PIP5K1C: variants seen among roughly 807,000 people sequenced by gnomAD.
PIP5K1C encodes the protein phosphatidylinositol 4-phosphate 5-kinase type-1 gamma.
A neutral mutation model predicts 80.1 loss-of-function variants in PIP5K1C; 45 were observed. That is an observed-to-expected ratio of 0.56 (90% CI 0.44 to 0.72). The LOEUF (loss-of-function observed/expected upper bound fraction) is 0.72, where lower values mean the gene tolerates loss of function less well. Among genes scored for constraint, PIP5K1C ranks in the 30% least tolerant of loss-of-function variants. The probability of loss-of-function intolerance (pLI) is 0.00; values close to 1 mark genes in which losing one functional copy is unlikely to be tolerated. For missense variants in PIP5K1C, 753 were observed against 954.6 expected (o/e 0.79, Z 2.78); for synonymous variants, 498 against 420.1 (o/e 1.19, Z -2.27).
intron 1 of PIP5K1C, among the ~76,000 whole-genome samples, chr19:3,674,558 T>C (rs975815793): frequency 6.6e-6 from 1 of 151,396 alleles, no homozygotes; most frequent in Admixed American, 6.6e-5. Context: ...CTCCCCCGAG[T>C]AGCTGCAGAT....
At chr19:3,698,335 G>A (rs740873) in intron 1 of PIP5K1C, among the ~76,000 whole-genome samples, 19,177 of 152,242 alleles carry the variant, frequency 0.13, 1,709 homozygotes, top group Admixed American at 0.26. Flanking sequence ...GGGAAGTGAC[G>A]GCCACACAGC....
intron 5 of PIP5K1C, among the ~76,000 whole-genome samples, chr19:3,660,111 T>C (rs1599999694): frequency 6.6e-6 from 1 of 151,992 alleles, no homozygotes; most frequent in South Asian, 2.1e-4. Flanking sequence ...GCTGAGGCGG[T>C]AGCTCACGCC....
At chr19:3,656,372 G>A in intron 6 of PIP5K1C, 33 bp downstream of exon 6, 2 of 1,611,834 alleles carry the variant, frequency 1.2e-6, no homozygotes, top group Non-Finnish European at 1.7e-6. Context: ...GGTTGACCGA[G>A]GAGCCATCTG....
At chr19:3,689,956 A>G (rs1284257639) in intron 1 of PIP5K1C, among the ~76,000 whole-genome samples, 1 of 152,192 alleles carries the variant, frequency 6.6e-6, no homozygotes, top group Non-Finnish European at 1.5e-5. Flanking sequence ...TAGGCTGGAA[A>G]GCTTTCCAAA....
chr19:3,690,188 T>A (rs540084910), intron 1 of PIP5K1C, among the ~76,000 whole-genome samples: 2 of 148,758 alleles, frequency 1.3e-5, no homozygotes, highest in Non-Finnish European at 3.0e-5. Flanking sequence ...GGCAGAGGAG[T>A]GGAGCAGAAT....
intron 12 of PIP5K1C, 140 bp from the exon 13 acceptor site, chr19:3,643,521 C>G: frequency 4.1e-6 from 4 of 977,178 alleles, no homozygotes; most frequent in Non-Finnish European, 6.1e-6. Flanking sequence ...CCTCCCCACA[C>G]GGCAGGGAAG....
At chr19:3,653,884 G>A (rs1265792790) in intron 6 of PIP5K1C, among the ~76,000 whole-genome samples, 3 of 152,242 alleles carry the variant, frequency 2.0e-5, no homozygotes, top group Non-Finnish European at 4.4e-5. Flanking sequence ...CCTGCCCACA[G>A]ACATCGCCCT....
At chr19:3,687,949 G>A (rs905207063) in intron 1 of PIP5K1C, among the ~76,000 whole-genome samples, 1 of 152,202 alleles carries the variant, frequency 6.6e-6, no homozygotes, top group Non-Finnish European at 1.5e-5. Flanking sequence ...CAATGTCCAG[G>A]GAGAAAGAGG....
At chr19:3,657,764 A>T (rs1419880880) in intron 5 of PIP5K1C, among the ~76,000 whole-genome samples, 1 of 15,462 alleles carries the variant, frequency 6.5e-5, no homozygotes, top group Non-Finnish European at 1.2e-4. Flanking sequence ...CATCTGTACT[A>T]AAAAAAAAAA....
At chr19:3,644,045 C>T (rs1157257461) in intron 12 of PIP5K1C, 42 bp downstream of exon 12, 2 of 1,605,422 alleles carry the variant, frequency 1.2e-6, no homozygotes, top group East Asian at 2.2e-5. Flanking sequence ...TGCTGGCACC[C>T]CCTGTAGCGC....
At chr19:3,670,168 G>A (rs1297150213) in intron 1 of PIP5K1C, among the ~76,000 whole-genome samples, 3 of 152,146 alleles carry the variant, frequency 2.0e-5, no homozygotes, top group Non-Finnish European at 4.4e-5. Flanking sequence ...CATTCGAGAC[G>A]CTGGTGGGCC....
chr19:3,675,175 C>A (rs1263659188), intron 1 of PIP5K1C, among the ~76,000 whole-genome samples: 1 of 152,186 alleles, frequency 6.6e-6, no homozygotes, highest in Non-Finnish European at 1.5e-5. Context: ...AGTGACTGAA[C>A]AACTCTGTGA....
intron 1 of PIP5K1C, among the ~76,000 whole-genome samples, chr19:3,669,275 C>T (rs1176200705): frequency 6.6e-6 from 1 of 152,158 alleles, no homozygotes; most frequent in Non-Finnish European, 1.5e-5. Context: ...AGGGCTCGGC[C>T]CTCTGGCTGC....
chr19:3,639,081 C>G, intron 15 of PIP5K1C, 65 bp from the exon 16 acceptor site: 3 of 1,574,228 alleles, frequency 1.9e-6, no homozygotes, highest in South Asian at 1.1e-5. Context: ...CCCGCGCCCC[C>G]ACTCAGGACC....
chr19:3,636,291 A>C, intron 16 of PIP5K1C: 1 of 750,328 alleles, frequency 1.3e-6, no homozygotes, highest in Non-Finnish European at 1.6e-6. Context: ...TGGGACCCAG[A>C]ACCGGGTGAC....
At chr19:3,675,189 C>G (rs183460000) in intron 1 of PIP5K1C, among the ~76,000 whole-genome samples, 1 of 152,162 alleles carries the variant, frequency 6.6e-6, no homozygotes, top group Non-Finnish European at 1.5e-5. Context: ...TCTGTGAATA[C>G]GCCGAGAAGA....
chr19:3,687,093 TGAA>T (rs1361007676), intron 1 of PIP5K1C, among the ~76,000 whole-genome samples: 12 of 152,128 alleles, frequency 7.9e-5, no homozygotes, highest in South Asian at 2.1e-4. Flanking sequence ...CTCTGGAAGC[TGAA>T]GAAGAAGATT....
rs915052228 is a variant in PIP5K1C at position 3,692,339 on chromosome 19, C to A, written c.94+7958G>T. Among the ~76,000 whole-genome samples, 2 of 152,166 alleles carry A rather than the reference C, an allele frequency of 1.3e-5. No individual in the cohort carries two copies. Among genetic ancestry groups the A allele is most frequent in the Non-Finnish European group, 1.5e-5 (1 of 68,018 alleles). On this transcript the variant is annotated intron_variant, in intron 1 of 17. Coordinates refer to ENST00000335312, the MANE Select transcript of PIP5K1C (RefSeq NM_012398.3). This position sits in a 1 kb window ranked among gnomAD's most constrained non-coding sequence, Gnocchi z 5.2. ...TGCCGGCTCCCACCACGGCCCCCAA[C>A]GCTCCCTACAGGGGCTCCTGGGGCC... is the stretch of plus-strand genomic sequence containing the variant.
chr19:3,695,137 G>C (rs1316801274), intron 1 of PIP5K1C, among the ~76,000 whole-genome samples: 1 of 152,230 alleles, frequency 6.6e-6, no homozygotes, highest in African/African-American at 2.4e-5. Flanking sequence ...CAACCTGAGG[G>C]CTCCAAGGGG....
Sources: allele counts gnomAD v4.1 joint callset (sites outside exome capture counted in the v4.1 genomes callset), GRCh38; gene constraint gnomAD v4.1.1; non-coding constraint Gnocchi (gnomAD v3.1); transcripts MANE v1.5; gene names NCBI Gene and HGNC (gene_info 2026-07-23, HGNC 2026-07-21).